Variants in SDK2 observed in about 807,000 individuals in gnomAD.
SDK2 encodes sidekick cell adhesion molecule 2, also known as protein sidekick-2.
Under a neutral mutation model 253.9 loss-of-function variants are expected in SDK2, and 105 were observed. The ratio of observed to expected loss-of-function variants is 0.41; its 90% CI spans 0.35 to 0.49. SDK2 has a LOEUF of 0.49. Ranked by LOEUF, SDK2 falls within the 20% of genes least tolerant of loss-of-function variation. The pLI is 0.06. For synonymous variants in SDK2, 1,249 were observed against 1,234.9 expected (o/e 1.01, Z -0.24); for missense variants, 2,608 against 3,003.0 (o/e 0.87, Z 3.07).
At chr17:73,602,970 C>T (rs1216252157) in intron 1 of SDK2, among the ~76,000 whole-genome samples, 1 of 152,172 alleles carries the variant, frequency 6.6e-6, no homozygotes, top group African/African-American at 2.4e-5. Context: ...AGTGATCCAC[C>T]CACCTCAGCC....
Position 73,644,026 on chromosome 17 carries a change from T to C in SDK2, c.63A>G (p.Gln21=), listed in dbSNP as rs1312803001. 4 of 1,357,892 alleles carry C rather than the reference T, an allele frequency of 2.9e-6. No individual in the cohort carries two copies. Among genetic ancestry groups the C allele is most frequent in the African/African-American group, 1.5e-5 (1 of 64,542 alleles). The allele number at this position is 1,357,892 out of a possible 1,614,324, so 84.1% of individuals were successfully genotyped here. A position where few individuals can be genotyped will look rare whatever the true frequency, so the allele number is the denominator to read the frequency against. Residue 21 remains glutamine, a splice_region_variant and synonymous_variant, in exon 1 of 45, where the codon CAA becomes CAG. Coordinates refer to ENST00000392650, the MANE Select transcript of SDK2 (RefSeq NM_001144952.2). This position sits in a 1 kb window ranked among gnomAD's most constrained non-coding sequence, Gnocchi z 6.3. ...ALHQIRAARA[Q]DDVSPYFKTE... ...CCCCACGTGGGGGTCCCTCCTTACC[T>C]TGGGCTCTGGCCGCGCGGATCTGAT...
At chr17:73,563,044 G>A (rs1205893460) in intron 1 of SDK2, among the ~76,000 whole-genome samples, 2 of 152,204 alleles carry the variant, frequency 1.3e-5, no homozygotes, top group Non-Finnish European at 2.9e-5. Flanking sequence ...GCTCCGCTCT[G>A]ATACCGCCTC....
intron 1 of SDK2, among the ~76,000 whole-genome samples, chr17:73,637,175 T>A (rs1385658056): frequency 6.6e-6 from 1 of 152,116 alleles, no homozygotes; most frequent in Non-Finnish European, 1.5e-5. Flanking sequence ...ATGTCTTGTG[T>A]AAAGTCACCC....
chr17:73,430,369 C>T (rs2063316521), intron 12 of SDK2, 142 bp downstream of exon 12: 3 of 639,258 alleles, frequency 4.7e-6, no homozygotes, highest in Non-Finnish European at 8.2e-6. Context: ...CAGCCCTGCA[C>T]TCAGCTCTGG....
chr17:73,506,307 G>A (rs1235668061), intron 2 of SDK2, among the ~76,000 whole-genome samples: 2 of 152,166 alleles, frequency 1.3e-5, no homozygotes, highest in Non-Finnish European at 2.9e-5. Flanking sequence ...GAGAACCGGA[G>A]GCCCAGAGTG....
chr17:73,386,570 A>T, intron 30 of SDK2, 22 bp from the exon 31 acceptor site: 1 of 1,514,388 alleles, frequency 6.6e-7, no homozygotes, highest in Non-Finnish European at 9.0e-7. Flanking sequence ...AATCAGGGCC[A>T]ATGAGCCAAG....
rs1420763989 is a variant in SDK2, at chr17:73,467,699, AG to A, written c.331+4412del. The stretch of plus-strand genomic sequence containing the variant: ...TGGGTGAAACCTTCCTTAGCTTGTC[AG>A]GAACTGCGTTCTTCTCAAGGGTCGG... On this transcript the variant is annotated intron_variant, in intron 3 of 44. Transcript: ENST00000392650. This position sits in a 1 kb window ranked among gnomAD's most constrained non-coding sequence, Gnocchi z 4.1. Among the ~76,000 whole-genome samples, 1 of 152,188 alleles carries A rather than the reference AG, an allele frequency of 6.6e-6. No homozygotes were observed. The highest frequency in any genetic ancestry group is 1.5e-5 in the Non-Finnish European group (1 of 68,024).
chr17:73,606,831 CA>C (rs1288248092), intron 1 of SDK2, among the ~76,000 whole-genome samples: 1 of 152,058 alleles, frequency 6.6e-6, no homozygotes, highest in Non-Finnish European at 1.5e-5. Flanking sequence ...GGAGTGGTGA[CA>C]TAGTGGGTGA....
chr17:73,524,228 C>A (rs936010182), intron 1 of SDK2, among the ~76,000 whole-genome samples: 17 of 152,294 alleles, frequency 1.1e-4, no homozygotes, highest in African/African-American at 4.1e-4. Context: ...GACCCTCGGG[C>A]AGCAGGATTG....
rs541758905 is a variant in SDK2, at chr17:73,512,851, A to AATACACC, written c.65-5261_65-5255dup. ...AAAGTAGAATTTCAAATCAGTGGGT[A>AATACACC]ATACACCAATTAGTCAATAAATGGT... On this transcript the variant is annotated intron_variant, in intron 1 of 44. Transcript: ENST00000392650. Among the ~76,000 whole-genome samples, 510 of 152,348 alleles carry AATACACC rather than the reference A, an allele frequency of 3.3e-3. 2 individuals are homozygous for AATACACC. The highest frequency in any genetic ancestry group is 0.011 in the African/African-American group (470 of 41,582).
chr17:73,482,660 A>G (rs1417374785), intron 2 of SDK2, among the ~76,000 whole-genome samples: 2 of 152,240 alleles, frequency 1.3e-5, no homozygotes, highest in Non-Finnish European at 2.9e-5. Flanking sequence ...ATGAACAAGG[A>G]TAAGGACTTC....
chr17:73,491,870 G>A (rs2063808686), intron 2 of SDK2, among the ~76,000 whole-genome samples: 3 of 152,208 alleles, frequency 2.0e-5, no homozygotes, highest in Admixed American at 6.5e-5. Context: ...AAAGGTGGTC[G>A]GTGTGGGCTT....
chr17:73,394,086 G>A (rs1479742034), intron 26 of SDK2, 123 bp downstream of exon 26: 7 of 579,494 alleles, frequency 1.2e-5, no homozygotes, highest in Middle Eastern at 2.7e-4. Flanking sequence ...AGGACGCCAG[G>A]CAGATCCCCT....
intron 1 of SDK2, among the ~76,000 whole-genome samples, chr17:73,628,465 A>T (rs896284925): frequency 6.6e-6 from 1 of 152,216 alleles, no homozygotes; most frequent in Non-Finnish European, 1.5e-5. Context: ...GCACCTGCAA[A>T]GGCTCAGTCA....
chr17:73,530,756 C>T (rs181499056), intron 1 of SDK2, among the ~76,000 whole-genome samples: 93 of 152,304 alleles, frequency 6.1e-4, no homozygotes, highest in Non-Finnish European at 9.3e-4. Flanking sequence ...ACAAATGTCA[C>T]GGCACCATGT....
At chr17:73,628,540 C>G (rs1012116513) in intron 1 of SDK2, among the ~76,000 whole-genome samples, 2 of 152,188 alleles carry the variant, frequency 1.3e-5, no homozygotes, top group Non-Finnish European at 2.9e-5. Context: ...GGGAGCTGAC[C>G]TGCAGGTTCC....
intron 2 of SDK2, among the ~76,000 whole-genome samples, chr17:73,490,789 A>G (rs1157470058): frequency 1.3e-5 from 2 of 151,572 alleles, no homozygotes; most frequent in African/African-American, 4.9e-5. Context: ...GGCCTCCTAA[A>G]ATGCTAGGAT....
At chr17:73,405,500 ATATAT>A (rs2063067698) in intron 18 of SDK2, among the ~76,000 whole-genome samples, 1 of 99,822 alleles carries the variant, frequency 1.0e-5, no homozygotes, top group African/African-American at 3.7e-5. Flanking sequence ...ATATATATAT[ATATAT>A]ATATATATAT....
chr17:73,596,730 C>T (rs2045764471), intron 1 of SDK2, among the ~76,000 whole-genome samples: 1 of 152,208 alleles, frequency 6.6e-6, no homozygotes, highest in African/African-American at 2.4e-5. Flanking sequence ...CTCCCCGACC[C>T]TCCCAGCTCC....
Sources: gnomAD v4.1 joint callset for allele counts (sites outside exome capture counted in the v4.1 genomes callset) on GRCh38, gnomAD v4.1.1 for gene constraint, Gnocchi (gnomAD v3.1) non-coding constraint, MANE v1.5 for transcripts, NCBI Gene and HGNC (gene_info 2026-07-23, HGNC 2026-07-21) for gene names.